Variants in FGD4 observed in about 807,000 individuals in gnomAD.
The protein encoded by FGD4 is FYVE, RhoGEF and PH domain containing 4.
In FGD4, 42 loss-of-function variants were observed where a neutral mutation model predicts 102.0. The observed-to-expected ratio is 0.41, with a 90% CI of 0.32 to 0.53. The LOEUF (loss-of-function observed/expected upper bound fraction) is 0.53. FGD4 is among the 20% of genes least tolerant of loss of function. The pLI, the probability that FGD4 is intolerant of heterozygous loss-of-function variation, is 0.21. For synonymous variants in FGD4, 380 were observed against 375.7 expected, an observed-to-expected ratio of 1.01 and a Z score of -0.13; for missense variants, 902 against 1,078.2, an observed-to-expected ratio of 0.84 and a Z score of 2.29.
At chr12:32,563,398 C>T (rs548100074) in intron 1 of FGD4, among the ~76,000 whole-genome samples, 3,194 of 144,162 alleles carry the variant, frequency 0.022, 106 homozygotes, top group African/African-American at 0.079. Context: ...ACATCTCAGA[C>T]GATGGGCGGC....
intron 1 of FGD4, among the ~76,000 whole-genome samples, chr12:32,473,419 G>A (rs1046291269): frequency 6.6e-6 from 1 of 151,912 alleles, no homozygotes; most frequent in African/African-American, 2.4e-5. Flanking sequence ...TGGGGGGAAG[G>A]AACAACTCCA....
At chr12:32,562,076 G>T (rs1489828039) in intron 1 of FGD4, among the ~76,000 whole-genome samples, 1 of 152,176 alleles carries the variant, frequency 6.6e-6, no homozygotes. Flanking sequence ...TAGGTCAGCT[G>T]TCACGTTGGG....
At chr12:32,541,333 G>C (rs1942809895) in intron 1 of FGD4, among the ~76,000 whole-genome samples, 2 of 152,138 alleles carry the variant, frequency 1.3e-5, no homozygotes, top group African/African-American at 4.8e-5. Context: ...AACTTTGTAA[G>C]CTGCTAAATA....
rs112018918 is a variant in FGD4, at chr12:32,511,708, A to G, written c.167-52429A>G. ...AACCTACTTATTTAACTCACACATTAAAATTCTTTGAAACTACACAGAACT... is the reference window on the plus strand; with the variant it reads ...AACCTACTTATTTAACTCACACATTGAAATTCTTTGAAACTACACAGAACT... On this transcript the variant is annotated intron_variant, in intron 1 of 16. Transcript: ENST00000534526. 186 of 152,294 alleles carry G rather than the reference A, an allele frequency of 1.2e-3. 1 individual carries two copies. The highest frequency in any genetic ancestry group is 4.3e-3 in the African/African-American group (177 of 41,562). The allele number at this position is 152,294 out of a possible 1,614,324, so 9.4% of individuals were successfully genotyped here. A position where few individuals can be genotyped will look rare whatever the true frequency, so the allele number is the denominator to read the frequency against.
intron 1 of FGD4, among the ~76,000 whole-genome samples, chr12:32,526,226 A>T (rs1941182055): frequency 6.6e-6 from 1 of 152,212 alleles, no homozygotes; most frequent in Non-Finnish European, 1.5e-5. Context: ...AAGGTTTGTG[A>T]GCGCACCAGT....
chr12:32,405,699 C>G (rs1591838125), intron 1 of FGD4, among the ~76,000 whole-genome samples: 2 of 152,174 alleles, frequency 1.3e-5, no homozygotes, highest in Non-Finnish European at 1.5e-5. Context: ...TAACTGGTAA[C>G]AGAGAAGAGG....
At chr12:32,484,066 A>G (rs1566512) in intron 1 of FGD4, among the ~76,000 whole-genome samples, 48,787 of 151,974 alleles carry the variant, frequency 0.32, 7,974 homozygotes, top group East Asian at 0.45. Flanking sequence ...GATGTATAAT[A>G]CCTTGGAAAT....
chr12:32,603,587 G>A (rs1467028127), intron 7 of FGD4, among the ~76,000 whole-genome samples: 3 of 151,820 alleles, frequency 2.0e-5, no homozygotes, highest in East Asian at 3.9e-4. Context: ...GGGTTTCACC[G>A]TGTTAGCCGG....
intron 1 of FGD4, among the ~76,000 whole-genome samples, chr12:32,453,209 T>TATATATATATATATA (rs1565748959): frequency 2.0e-5 from 1 of 48,842 alleles, no homozygotes; most frequent in African/African-American, 4.5e-5. Flanking sequence ...ATTATATATA[T>TATATATATATATATA]ATATATATAT....
At position 32,423,448 on chromosome 12, in the gene FGD4, C is replaced by T. The variant is rs747285435; in HGVS notation, c.166+23489C>T. Among the ~76,000 whole-genome samples, 59 of 151,744 alleles carry T rather than the reference C, an allele frequency of 3.9e-4. 2 individuals carry two copies. Among genetic ancestry groups the T allele is most frequent in the South Asian group, 4.2e-4 (2 of 4,796 alleles). On this transcript the variant is annotated intron_variant, in intron 1 of 16. Coordinates refer to ENST00000534526, the MANE Select transcript of FGD4 (RefSeq NM_001370298.3). ...CTATTAAAAAATACAAAAAATTAGC[C>T]GGGCGTGGTGGCAGGCGCCTGTAAT...
At chr12:32,549,163 T>A (rs976061903) in intron 1 of FGD4, among the ~76,000 whole-genome samples, 1 of 152,238 alleles carries the variant, frequency 6.6e-6, no homozygotes, top group African/African-American at 2.4e-5. Flanking sequence ...ATATGCCCAC[T>A]AGTATTGTAA....
At chr12:32,622,841 C>T (rs572512715) in intron 11 of FGD4, among the ~76,000 whole-genome samples, 1 of 152,314 alleles carries the variant, frequency 6.6e-6, no homozygotes, top group East Asian at 1.9e-4. Context: ...GATCCACCCA[C>T]CTCGGCCTCC....
intron 1 of FGD4, among the ~76,000 whole-genome samples, chr12:32,417,525 T>C (rs1941466470): frequency 6.6e-6 from 1 of 152,028 alleles, no homozygotes; most frequent in African/African-American, 2.4e-5. Context: ...TGGTGCGATC[T>C]TGGCTCACTG....
chr12:32,400,763 C>T (rs1351401039), intron 1 of FGD4, among the ~76,000 whole-genome samples: 7 of 152,146 alleles, frequency 4.6e-5, no homozygotes, highest in African/African-American at 1.7e-4. Flanking sequence ...GTATGTAGAC[C>T]AGCTTACGAG....
At chr12:32,535,768 G>A (rs1034922889) in intron 1 of FGD4, among the ~76,000 whole-genome samples, 1 of 152,150 alleles carries the variant, frequency 6.6e-6, no homozygotes, top group Non-Finnish European at 1.5e-5. Flanking sequence ...AGAGATGATT[G>A]GAGAGACAGT....
At chr12:32,452,129 C>T (rs1481298944) in intron 1 of FGD4, among the ~76,000 whole-genome samples, 2 of 152,170 alleles carry the variant, frequency 1.3e-5, no homozygotes, top group African/African-American at 4.8e-5. Context: ...AGTTCTTTTT[C>T]TTCTTTACAT....
intron 1 of FGD4, among the ~76,000 whole-genome samples, chr12:32,444,999 A>G (rs1394243811): frequency 6.6e-6 from 1 of 152,228 alleles, no homozygotes; most frequent in Non-Finnish European, 1.5e-5. Flanking sequence ...AGCAAGGGTC[A>G]TTGATGAGTA....
At chr12:32,493,385 C>T (rs1373608696) in intron 1 of FGD4, among the ~76,000 whole-genome samples, 4 of 152,150 alleles carry the variant, frequency 2.6e-5, no homozygotes, top group Admixed American at 6.5e-5. Context: ...CCTTTGAGCC[C>T]TACTCTGTTG....
At chr12:32,579,045 T>TG (rs1565865052) in intron 3 of FGD4, among the ~76,000 whole-genome samples, 1 of 138,408 alleles carries the variant, frequency 7.2e-6, no homozygotes, top group Non-Finnish European at 1.6e-5. Context: ...AGTGGTTTTT[T>TG]TTTTTTTTTT....
Sources: gnomAD v4.1 joint callset for allele counts (sites outside exome capture counted in the v4.1 genomes callset) on GRCh38, gnomAD v4.1.1 for gene constraint, MANE v1.5 for transcripts, NCBI Gene and HGNC (gene_info 2026-07-23, HGNC 2026-07-21) for gene names.